Variants in DRD3 observed in about 807,000 individuals in gnomAD.
DRD3 encodes D(3) dopamine receptor.
Under a neutral mutation model 36.3 loss-of-function variants are expected in DRD3, and 19 were observed. The ratio of observed to expected loss-of-function variants is 0.52; its 90% CI spans 0.36 to 0.77. DRD3 has a LOEUF of 0.77. Among genes scored for constraint, DRD3 ranks in the 30% least tolerant of loss-of-function variants. The pLI is 0.00. For missense variants in DRD3, 465 were observed against 505.3 expected (o/e 0.92, Z 0.77); for synonymous variants, 195 against 203.7 (o/e 0.96, Z 0.36).
chr3:114,179,881 A>T (rs2077936685), upstream of DRD3, among the ~76,000 whole-genome samples: 1 of 152,184 alleles, frequency 6.6e-6, no homozygotes, highest in Non-Finnish European at 1.5e-5. Context: ...ACCATCATTT[A>T]TTGAGCATGT....
At chr3:114,158,392 G>A (rs1294327031) in intron 3 of DRD3, among the ~76,000 whole-genome samples, 2 of 152,154 alleles carry the variant, frequency 1.3e-5, no homozygotes, top group Admixed American at 6.5e-5. Context: ...TGAAGAGTTG[G>A]GGATTTTAGA....
chr3:114,158,130 G>A (rs183557910), intron 3 of DRD3, among the ~76,000 whole-genome samples: 4 of 151,844 alleles, frequency 2.6e-5, no homozygotes, highest in Non-Finnish European at 4.4e-5. Flanking sequence ...AAAAAGAGGG[G>A]TCCAGATGCA....
chr3:114,192,860 G>A (rs1450843431), intron 1 of DRD3, among the ~76,000 whole-genome samples: 1 of 152,126 alleles, frequency 6.6e-6, no homozygotes, highest in Non-Finnish European at 1.5e-5. Flanking sequence ...ATAGCAATTT[G>A]ACAAAATACT....
chr3:114,166,396 G>A (rs2107876124), intron 2 of DRD3, among the ~76,000 whole-genome samples: 1 of 152,290 alleles, frequency 6.6e-6, no homozygotes, highest in South Asian at 2.1e-4. Flanking sequence ...GTTGGGAGAT[G>A]GGGTCTAACG....
chr3:114,135,132 C>A (rs899432088), intron 5 of DRD3, among the ~76,000 whole-genome samples: 1 of 152,078 alleles, frequency 6.6e-6, no homozygotes, highest in Non-Finnish European at 1.5e-5. Context: ...TCTATTTTCA[C>A]GATAACCACT....
At chr3:114,179,197 T>G (rs146999634), upstream of DRD3, 78 of 152,308 alleles carry the variant, frequency 5.1e-4, 1 homozygote, top group African/African-American at 1.8e-3. Flanking sequence ...TTTCCAGATT[T>G]TGGTGGGTGT....
At chr3:114,137,127 T>A (rs1429180907) in intron 5 of DRD3, among the ~76,000 whole-genome samples, 1 of 152,218 alleles carries the variant, frequency 6.6e-6, no homozygotes, top group Admixed American at 6.5e-5. Flanking sequence ...TAGATATATG[T>A]GTGGGAATCA....
At chr3:114,180,462 A>C (rs1438760752), upstream of DRD3, among the ~76,000 whole-genome samples, 3 of 152,086 alleles carry the variant, frequency 2.0e-5, no homozygotes, top group Admixed American at 6.5e-5. Flanking sequence ...AAGAAGAGGC[A>C]CCAGAAATGT....
intron 1 of DRD3, among the ~76,000 whole-genome samples, chr3:114,190,936 C>T (rs553050956): frequency 2.2e-4 from 34 of 152,068 alleles, no homozygotes; most frequent in African/African-American, 7.2e-4. Context: ...TCCAGAGAAG[C>T]GGGGGATTGA....
At chr3:114,141,054 G>A (rs150353872) in intron 4 of DRD3, among the ~76,000 whole-genome samples, 172 of 152,202 alleles carry the variant, frequency 1.1e-3, no homozygotes, top group African/African-American at 3.9e-3. Context: ...TTTTTGAGAC[G>A]GAATTTTGCC....
chr3:114,169,355 T>C (rs2077817138), intron 2 of DRD3, among the ~76,000 whole-genome samples: 1 of 149,148 alleles, frequency 6.7e-6, no homozygotes, highest in Non-Finnish European at 1.5e-5. Flanking sequence ...CTTCAAGACA[T>C]TGACTGGGTC....
chr3:114,179,678 C>G (rs34008605), upstream of DRD3, among the ~76,000 whole-genome samples: 10,244 of 152,166 alleles, frequency 0.067, 393 homozygotes, highest in South Asian at 0.11. Flanking sequence ...CCTGTTCTCT[C>G]TCTCTTTTTT....
intron 4 of DRD3, among the ~76,000 whole-genome samples, chr3:114,142,068 A>AAAAAGAAAAG: frequency 7.0e-6 from 1 of 142,852 alleles, no homozygotes; most frequent in African/African-American, 2.8e-5. Context: ...AAAAAAAAAA[A>AAAAAGAAAAG]AAAAGAAAAG....
At chr3:114,145,150 T>G (rs72944649) in intron 4 of DRD3, among the ~76,000 whole-genome samples, 5,404 of 151,974 alleles carry the variant, frequency 0.036, 315 homozygotes, top group African/African-American at 0.12. Context: ...GGGATTTGCT[T>G]TTGGCTAGAG....
intron 1 of DRD3, among the ~76,000 whole-genome samples, chr3:114,197,497 G>T (rs2078044134): frequency 6.6e-6 from 1 of 151,968 alleles, no homozygotes; most frequent in South Asian, 2.1e-4. Context: ...TTAATGGATT[G>T]TGTTTTGATG....
intron 3 of DRD3, among the ~76,000 whole-genome samples, chr3:114,149,715 G>A (rs576022521): frequency 6.6e-6 from 1 of 152,356 alleles, no homozygotes; most frequent in East Asian, 1.9e-4. Flanking sequence ...TTTTGGCCTT[G>A]AAGGAGCAAA....
intron 4 of DRD3, among the ~76,000 whole-genome samples, chr3:114,143,490 C>T (rs1309769338): frequency 1.3e-5 from 2 of 152,218 alleles, no homozygotes; most frequent in Non-Finnish European, 2.9e-5. Context: ...AACTGAGACC[C>T]ACCATGATGT....
intron 6 of DRD3, among the ~76,000 whole-genome samples, chr3:114,129,944 G>A (rs1159337366): frequency 6.6e-6 from 1 of 152,098 alleles, no homozygotes; most frequent in Non-Finnish European, 1.5e-5. Flanking sequence ...TGTAATCTCA[G>A]CTACTTGGGA....
In DRD3 at chr3:114,171,866, T is replaced by C. The variant is rs2077847024; in HGVS notation, c.127A>G (p.Ile43Val). 6.2e-7 allele frequency: 1 copy of C among 1,613,750 alleles called. No individual in the cohort carries two copies. The highest frequency in any genetic ancestry group is 8.5e-7 in the Non-Finnish European group (1 of 1,179,830). ...ALSYCALILA[I>V]VFGNGLVCMA... ...CACACCAGGCCATTGCCGAAGACGA[T>C]GGCCAGGATGAGCGCGCAGTAGGAG... Residue 43 changes from isoleucine to valine, a missense_variant, in exon 2 of 7, where the codon ATC (isoleucine) becomes GTC (valine). Ile to Val is a conservative substitution (Grantham distance 29). Coordinates refer to ENST00000383673, the MANE Select transcript of DRD3 (RefSeq NM_000796.6).
Sources: allele counts gnomAD v4.1 joint callset (sites outside exome capture counted in the v4.1 genomes callset), GRCh38; gene constraint gnomAD v4.1.1; transcripts MANE v1.5; gene names NCBI Gene and HGNC (gene_info 2026-07-23, HGNC 2026-07-21).